Variants in NRG3 observed in about 807,000 individuals in gnomAD.
NRG3 encodes the protein pro-neuregulin-3, membrane-bound isoform.
In NRG3, 31 loss-of-function variants were observed where a neutral mutation model predicts 66.9. The ratio of observed to expected loss-of-function variants is 0.46; its 90% CI spans 0.35 to 0.63. NRG3 has a LOEUF of 0.63. Among genes scored for constraint, NRG3 ranks in the 20% least tolerant of loss-of-function variants. The pLI is 0.00. For missense variants in NRG3, 910 were observed against 878.9 expected (o/e 1.04, Z -0.45); for synonymous variants, 393 against 359.4 (o/e 1.09, Z -1.06).
chr10:82,301,686 C>CTATATATATA (rs60882154), intron 1 of NRG3, among the ~76,000 whole-genome samples: 7,286 of 137,480 alleles, frequency 0.053, 249 homozygotes, highest in African/African-American at 0.076. Context: ...ACATATATTC[C>CTATATATATA]TATATATATA....
chr10:82,216,570 C>CAGTG (rs2075693076), intron 1 of NRG3, among the ~76,000 whole-genome samples: 1 of 116,288 alleles, frequency 8.6e-6, no homozygotes, highest in Non-Finnish European at 1.8e-5. Flanking sequence ...ATGTATATAT[C>CAGTG]TGGGTGTGTG....
chr10:82,656,958 A>G (rs1018357057), intron 2 of NRG3, among the ~76,000 whole-genome samples: 18 of 151,912 alleles, frequency 1.2e-4, no homozygotes, highest in Non-Finnish European at 1.5e-4. Context: ...TCCTCCCCTC[A>G]TCACGCTGGC....
intron 1 of NRG3, among the ~76,000 whole-genome samples, chr10:81,975,599 T>G (rs1449131084): frequency 6.6e-6 from 1 of 152,086 alleles, no homozygotes; most frequent in Non-Finnish European, 1.5e-5. Context: ...AAACACTGTG[T>G]GCAACTAGAG....
At chr10:82,109,442 A>C (rs1266327485) in intron 1 of NRG3, among the ~76,000 whole-genome samples, 1 of 152,186 alleles carries the variant, frequency 6.6e-6, no homozygotes, top group Non-Finnish European at 1.5e-5. Flanking sequence ...TGAATAGATG[A>C]AAGCAGATTA....
chr10:82,447,791 G>A (rs1293820743), intron 2 of NRG3, among the ~76,000 whole-genome samples: 1 of 152,192 alleles, frequency 6.6e-6, no homozygotes, highest in East Asian at 1.9e-4. Flanking sequence ...TCTGCATGTG[G>A]TATTCTAGTG....
At chr10:81,975,347 A>G (rs934340125) in intron 1 of NRG3, among the ~76,000 whole-genome samples, 5 of 151,796 alleles carry the variant, frequency 3.3e-5, no homozygotes, top group African/African-American at 7.3e-5. Context: ...CTATCTATCT[A>G]TCTATCTATC....
chr10:82,652,025 G>A (rs2051455277), intron 2 of NRG3, among the ~76,000 whole-genome samples: 3 of 152,216 alleles, frequency 2.0e-5, no homozygotes, highest in African/African-American at 4.8e-5. Flanking sequence ...GTGCAGAGGT[G>A]CTAGAACTAG....
At chr10:82,026,669 TTGTC>T (rs910666828) in intron 1 of NRG3, among the ~76,000 whole-genome samples, 13 of 152,118 alleles carry the variant, frequency 8.5e-5, no homozygotes, top group South Asian at 6.2e-4. Context: ...TGTTTGAATT[TTGTC>T]TGTCTGTTTG....
chr10:82,133,464 A>C (rs555053171), intron 1 of NRG3, among the ~76,000 whole-genome samples: 1 of 152,194 alleles, frequency 6.6e-6, no homozygotes, highest in East Asian at 1.9e-4. Flanking sequence ...CTTTGTATTC[A>C]TAAGTTCTCT....
chr10:82,100,521 T>G (rs1017400848), intron 1 of NRG3, among the ~76,000 whole-genome samples: 1 of 152,120 alleles, frequency 6.6e-6, no homozygotes, highest in Non-Finnish European at 1.5e-5. Flanking sequence ...TAAGCATTTG[T>G]TTTCTTTTGG....
chr10:82,849,675 T>C (rs1471089471), intron 3 of NRG3, among the ~76,000 whole-genome samples: 2 of 152,166 alleles, frequency 1.3e-5, no homozygotes, highest in African/African-American at 4.8e-5. Flanking sequence ...AAGAGCATTA[T>C]AGGCAGATGC....
intron 6 of NRG3, among the ~76,000 whole-genome samples, chr10:82,965,593 G>A (rs372240061): frequency 2.6e-5 from 4 of 151,992 alleles, no homozygotes; most frequent in African/African-American, 9.7e-5. Flanking sequence ...AAAATTAGCC[G>A]GGCGTGGTGG....
intron 1 of NRG3, among the ~76,000 whole-genome samples, chr10:82,219,223 G>A (rs900309769): frequency 3.4e-5 from 5 of 145,978 alleles, no homozygotes; most frequent in Admixed American, 2.1e-4. Flanking sequence ...ATATTGTTTT[G>A]TTTGGGTGTG....
intron 2 of NRG3, among the ~76,000 whole-genome samples, chr10:82,729,484 A>T (rs909064188): frequency 6.6e-6 from 1 of 152,202 alleles, no homozygotes; most frequent in Admixed American, 6.5e-5. Flanking sequence ...AAGCTAAGTT[A>T]GACAGAATGG....
chr10:82,755,317 T>G (rs17100741), intron 3 of NRG3, among the ~76,000 whole-genome samples: 13,775 of 152,170 alleles, frequency 0.091, 2,052 homozygotes, highest in African/African-American at 0.31. Flanking sequence ...GGAGTTACTT[T>G]CTTCCTGCAG....
chr10:82,720,810 CATATATATATAT>C lies in NRG3; in HGVS notation c.954-17746_954-17735del, dbSNP rs5786567. Among the ~76,000 whole-genome samples the C allele has an allele frequency of 4.3e-3, 489 of 114,576 alleles. 13 individuals carry two copies. Among genetic ancestry groups the C allele is most frequent in the African/African-American group, 0.016 (360 of 22,850 alleles). The allele number at this position is 114,576 out of a possible 152,430, so 75.2% of individuals were successfully genotyped here. A position where few individuals can be genotyped will look rare whatever the true frequency, so the allele number is the denominator to read the frequency against. On this transcript the variant is annotated intron_variant, in intron 2 of 8. Coordinates refer to ENST00000372141, the MANE Select transcript of NRG3 (RefSeq NM_001010848.4). Reference sequence around the variant, plus strand: ...AACACATATATAGGAGTATTTTATACATATATATATATATATATATATATATATATATCACCC... The same window carrying C: ...AACACATATATAGGAGTATTTTATACATATATATATATATATATATCACCC...
rs138534447 is a variant in NRG3 at position 82,480,966 on chromosome 10, G to T, written c.953+122098G>T. 4.7e-3 allele frequency among the ~76,000 whole-genome samples: 709 copies of T among 152,282 alleles called. 13 individuals carry two copies. The highest frequency in any genetic ancestry group is 0.033 in the Admixed American group (512 of 15,304). On this transcript the variant is annotated intron_variant, in intron 2 of 8. Transcript: ENST00000372141. ...CTGACTTGAGCTTAATCCTCTATCA[G>T]TGCTTCCCATCCCTTCTACTCTCTT...
intron 1 of NRG3, among the ~76,000 whole-genome samples, chr10:82,170,877 G>A (rs1248800982): frequency 6.6e-6 from 1 of 150,836 alleles, no homozygotes; most frequent in East Asian, 2.0e-4. Flanking sequence ...GGTAGGAGAA[G>A]TCATATTATA....
chr10:82,162,772 C>T (rs2071701009), intron 1 of NRG3, among the ~76,000 whole-genome samples: 1 of 152,100 alleles, frequency 6.6e-6, no homozygotes, highest in Admixed American at 6.6e-5. Context: ...CTTTCTAGCA[C>T]GTGGAATCAA....
Sources: allele counts gnomAD v4.1 joint callset (sites outside exome capture counted in the v4.1 genomes callset), GRCh38; gene constraint gnomAD v4.1.1; transcripts MANE v1.5; gene names NCBI Gene and HGNC (gene_info 2026-07-23, HGNC 2026-07-21).